The following MICU2 variants were observed in gnomAD, a reference collection of about 807,000 sequenced individuals.
MICU2 encodes the protein mitochondrial calcium uptake 2, also known as calcium uptake protein 2, mitochondrial.
A neutral mutation model predicts 60.4 loss-of-function variants in MICU2; 64 were observed. The observed-to-expected ratio is 1.06, with a 90% CI of 0.87 to 1.31. The LOEUF (loss-of-function observed/expected upper bound fraction) is 1.31, where lower values mean the gene tolerates loss of function less well. Among genes scored for constraint, MICU2 ranks in the 50% most tolerant of loss-of-function variants. The pLI, the probability that MICU2 is intolerant of heterozygous loss-of-function variation, is 0.00. For synonymous variants in MICU2, 201 were observed against 175.0 expected (o/e 1.15, Z -1.17); for missense variants, 569 against 531.0 (o/e 1.07, Z -0.70).
At chr13:21,515,446 A>C (rs1227258429) in intron 6 of MICU2, 1 of 293,726 alleles carries the variant, frequency 3.4e-6, no homozygotes, top group Non-Finnish European at 7.0e-6. Context: ...TGCATTTATA[A>C]AGCATTAAAA....
intron 2 of MICU2, among the ~76,000 whole-genome samples, chr13:21,551,883 G>A (rs564779053): frequency 1.4e-4 from 21 of 152,122 alleles, no homozygotes; most frequent in African/African-American, 3.9e-4. Context: ...GAATAGTGCC[G>A]CAGTAAACAT....
intron 1 of MICU2, among the ~76,000 whole-genome samples, chr13:21,600,882 C>T (rs1236067075): frequency 6.6e-6 from 1 of 152,116 alleles, no homozygotes; most frequent in Non-Finnish European, 1.5e-5. Context: ...CTGCAAGCTC[C>T]GCCTCCCAGA....
chr13:21,521,449 AAAT>A (rs1886715727), intron 5 of MICU2, 122 bp from the exon 6 acceptor site: 2 of 661,898 alleles, frequency 3.0e-6, no homozygotes, highest in African/African-American at 1.9e-5. Flanking sequence ...CTACACAGAA[AAAT>A]AATGATTTCT....
intron 1 of MICU2, among the ~76,000 whole-genome samples, chr13:21,602,548 C>T (rs1256364728): frequency 1.3e-5 from 2 of 151,652 alleles, no homozygotes; most frequent in Non-Finnish European, 1.5e-5. Flanking sequence ...AAACAAAAAA[C>T]AAACAAAAAA....
intron 9 of MICU2, among the ~76,000 whole-genome samples, chr13:21,499,479 G>A (rs979526063): frequency 1.3e-5 from 2 of 151,006 alleles, no homozygotes; most frequent in Non-Finnish European, 1.5e-5. Flanking sequence ...GCACAATCTC[G>A]GCTCCCTGCA....
chr13:21,531,303 TCACCAACAAATGTACAGCAATAA>T, intron 4 of MICU2: 1 of 1,571,752 alleles, frequency 6.4e-7, no homozygotes, highest in South Asian at 1.1e-5. Flanking sequence ...AGAAAATGAC[TCACCAACAAATGTACAGCAATAA>T]CACCAACCCG....
chr13:21,548,071 T>A (rs1887456921), intron 2 of MICU2, among the ~76,000 whole-genome samples: 1 of 152,156 alleles, frequency 6.6e-6, no homozygotes, highest in African/African-American at 2.4e-5. Flanking sequence ...TGTTCTACCA[T>A]TAGGGAACCA....
intron 9 of MICU2, among the ~76,000 whole-genome samples, chr13:21,498,671 G>A (rs559875306): frequency 3.9e-5 from 6 of 151,932 alleles, no homozygotes; most frequent in East Asian, 1.9e-4. Flanking sequence ...GAGCCACCGC[G>A]CCTGGCTAAT....
intron 1 of MICU2, among the ~76,000 whole-genome samples, chr13:21,595,572 T>C (rs1167506674): frequency 2.6e-5 from 4 of 152,226 alleles, no homozygotes; most frequent in Admixed American, 2.0e-4. Flanking sequence ...TATGAGCTGC[T>C]CCAGGGCACC....
rs143072894 is a variant in MICU2, at chr13:21,569,811, C to T, written c.211-2867G>A. Among the ~76,000 whole-genome samples the T allele has an allele frequency of 3.1e-3, 459 of 150,036 alleles. 2 individuals are homozygous for T. Among genetic ancestry groups the T allele is most frequent in the African/African-American group, 0.011 (438 of 40,894 alleles). On this transcript the variant is annotated intron_variant, in intron 1 of 11. Transcript: ENST00000382374. Reference sequence around the variant, plus strand: ...TAGTAGACACCATTTTTGTCATCTTCGTTTTACAAAAAAAAAAAACAAAAC... The same window carrying T: ...TAGTAGACACCATTTTTGTCATCTTTGTTTTACAAAAAAAAAAAACAAAAC...
chr13:21,532,464 AT>A (rs1412676074), intron 4 of MICU2, among the ~76,000 whole-genome samples: 7 of 152,160 alleles, frequency 4.6e-5, no homozygotes, highest in African/African-American at 1.4e-4. Context: ...TCATATCTTC[AT>A]TATCTCTCAC....
chr13:21,548,972 G>A (rs1483263540), intron 2 of MICU2, among the ~76,000 whole-genome samples: 1 of 145,484 alleles, frequency 6.9e-6, no homozygotes, highest in East Asian at 2.1e-4. Flanking sequence ...TGTCACCCAG[G>A]CTGGAGTGCA....
At chr13:21,523,318 C>T (rs1388266234) in intron 4 of MICU2, among the ~76,000 whole-genome samples, 1 of 152,186 alleles carries the variant, frequency 6.6e-6, no homozygotes, top group Non-Finnish European at 1.5e-5. Context: ...CTGACTAATA[C>T]AGAAGAATCG....
At chr13:21,555,377 A>T (rs560364755) in intron 2 of MICU2, among the ~76,000 whole-genome samples, 122 of 152,326 alleles carry the variant, frequency 8.0e-4, no homozygotes, top group African/African-American at 2.8e-3. Flanking sequence ...TACGAAAATC[A>T]ATAAACGTAA....
rs182753744 is a variant in MICU2, at chr13:21,515,064, G to A, written c.598-646C>T. On this transcript the variant is annotated intron_variant, in intron 6 of 11. Coordinates refer to ENST00000382374, the MANE Select transcript of MICU2 (RefSeq NM_152726.3). Reference sequence around the variant, plus strand: ...ATAATTAGTTGTATCACTAGTTTATGGTGACATTTTCAAGTATATAGTTTT... The same window carrying A: ...ATAATTAGTTGTATCACTAGTTTATAGTGACATTTTCAAGTATATAGTTTT... 7.4e-5 allele frequency among the ~76,000 whole-genome samples: 11 copies of A among 148,202 alleles called. No individual in the cohort carries two copies. The East Asian group carries it at 2.2e-3, about 30-fold the overall frequency.
intron 9 of MICU2, among the ~76,000 whole-genome samples, chr13:21,500,426 T>A (rs9634369): frequency 9.3e-6 from 1 of 107,998 alleles, no homozygotes; most frequent in Admixed American, 1.1e-4. Flanking sequence ...GATTTTTTTT[T>A]TTTTTTTTTT....
chr13:21,543,060 A>G (rs1383632635), intron 2 of MICU2, among the ~76,000 whole-genome samples: 1 of 152,238 alleles, frequency 6.6e-6, no homozygotes, highest in African/African-American at 2.4e-5. Flanking sequence ...AATATATGTG[A>G]CAACTTGGCA....
chr13:21,541,952 T>C (rs1887293264), intron 2 of MICU2, among the ~76,000 whole-genome samples: 1 of 152,000 alleles, frequency 6.6e-6, no homozygotes, highest in East Asian at 1.9e-4. Context: ...TCAAATGGAA[T>C]AAATAATTAG....
intron 1 of MICU2, among the ~76,000 whole-genome samples, chr13:21,596,398 C>T (rs185577210): frequency 9.2e-4 from 139 of 151,782 alleles, no homozygotes; most frequent in South Asian, 6.5e-3. Context: ...TTTCTCTCAC[C>T]CCTGAAGCCT....
Sources: gnomAD v4.1 joint callset for allele counts (sites outside exome capture counted in the v4.1 genomes callset) on GRCh38, gnomAD v4.1.1 for gene constraint, MANE v1.5 for transcripts, NCBI Gene and HGNC (gene_info 2026-07-23, HGNC 2026-07-21) for gene names.